SP100: variants seen among roughly 807,000 people sequenced by gnomAD.
SP100 encodes the protein SP100 nuclear body protein.
SP100 carries 84 observed loss-of-function variants against 130.0 expected under a neutral mutation model. The observed-to-expected ratio is 0.65, with a 90% CI of 0.54 to 0.77. The LOEUF is 0.77. SP100 is among the 30% of genes least tolerant of loss of function. The pLI, the probability that SP100 is intolerant of heterozygous loss-of-function variation, is 0.00. For synonymous variants in SP100, 331 were observed against 351.7 expected (o/e 0.94, Z 0.66); for missense variants, 978 against 1,052.2 (o/e 0.93, Z 0.97).
At chr2:230,467,288 A>G in intron 13 of SP100, 73 bp downstream of exon 13, 1 of 1,061,336 alleles carries the variant, frequency 9.4e-7, no homozygotes, top group Middle Eastern at 2.1e-4. Flanking sequence ...TGCTCTGAGC[A>G]CACACAACAG....
At chr2:230,464,247 T>C in intron 11 of SP100, 97 bp downstream of exon 11, 1 of 745,102 alleles carries the variant, frequency 1.3e-6, no homozygotes. Flanking sequence ...AGTGGTCTCC[T>C]TATGCCTTGA....
At chr2:230,500,640 T>G (rs893785011) in intron 19 of SP100, among the ~76,000 whole-genome samples, 4 of 152,136 alleles carry the variant, frequency 2.6e-5, no homozygotes, top group African/African-American at 7.2e-5. Context: ...TGTCTTTTGA[T>G]GGAACTGTGG....
intron 19 of SP100, among the ~76,000 whole-genome samples, chr2:230,500,832 C>G (rs969385895): frequency 6.6e-6 from 1 of 152,172 alleles, no homozygotes; most frequent in Non-Finnish European, 1.5e-5. Flanking sequence ...CAATCATGGT[C>G]TTTGAAACTG....
At chr2:230,533,001 G>C (rs917223322) in intron 24 of SP100, among the ~76,000 whole-genome samples, 1 of 151,996 alleles carries the variant, frequency 6.6e-6, no homozygotes, top group African/African-American at 2.4e-5. Flanking sequence ...GGCTGGTGTC[G>C]AACGCCTAAC....
chr2:230,511,498 T>C (rs1690583721), intron 24 of SP100, among the ~76,000 whole-genome samples: 1 of 152,070 alleles, frequency 6.6e-6, no homozygotes, highest in South Asian at 2.1e-4. Context: ...AAGGATCAAA[T>C]GTCAGAAAAT....
intron 21 of SP100, among the ~76,000 whole-genome samples, chr2:230,504,732 G>A (rs1231029315): frequency 6.6e-6 from 1 of 152,178 alleles, no homozygotes; most frequent in Non-Finnish European, 1.5e-5. Context: ...GAAAGCGGGT[G>A]TTCAGCATAA....
chr2:230,542,509 A>C (rs1215194986), intron 28 of SP100, among the ~76,000 whole-genome samples: 1 of 152,226 alleles, frequency 6.6e-6, no homozygotes, highest in East Asian at 1.9e-4. Context: ...GAAAAGGAAG[A>C]CATTATTAAA....
intron 17 of SP100, among the ~76,000 whole-genome samples, chr2:230,487,556 G>A (rs577712965): frequency 1.3e-5 from 2 of 152,300 alleles, no homozygotes; most frequent in East Asian, 1.9e-4. Context: ...CCAGTACCAT[G>A]GGGGTGTTTT....
At chr2:230,533,222 AC>A (rs1691787148) in intron 24 of SP100, among the ~76,000 whole-genome samples, 1 of 152,198 alleles carries the variant, frequency 6.6e-6, no homozygotes, top group Non-Finnish European at 1.5e-5. Flanking sequence ...ATTTACATTT[AC>A]CATTTTTTAA....
At chr2:230,528,734 G>A (rs1691553735) in intron 24 of SP100, among the ~76,000 whole-genome samples, 1 of 152,168 alleles carries the variant, frequency 6.6e-6, no homozygotes, top group Non-Finnish European at 1.5e-5. Context: ...AATAAAAAAT[G>A]ATACAGGGGA....
intron 24 of SP100, among the ~76,000 whole-genome samples, chr2:230,524,574 C>T (rs1348711013): frequency 6.6e-6 from 1 of 151,866 alleles, no homozygotes; most frequent in South Asian, 2.1e-4. Context: ...AAATGGTTAA[C>T]AAGGAAATGA....
At chr2:230,469,008 A>G (rs2065125597) in intron 13 of SP100, 35 bp from the exon 14 acceptor site, 1 of 1,295,566 alleles carries the variant, frequency 7.7e-7, no homozygotes, top group Non-Finnish European at 1.1e-6. Context: ...TCTTTTAGTT[A>G]GATATTATTG....
At chr2:230,496,488 G>T (rs1484332232) in intron 18 of SP100, among the ~76,000 whole-genome samples, 1 of 152,196 alleles carries the variant, frequency 6.6e-6, no homozygotes, top group Non-Finnish European at 1.5e-5. Flanking sequence ...GGAGAAGGAA[G>T]TGGACAGGAG....
chr2:230,506,724 T>A (rs1422621253), intron 22 of SP100: 3 of 287,378 alleles, frequency 1.0e-5, no homozygotes, highest in Middle Eastern at 1.0e-3. Context: ...TTTGGTCACA[T>A]GAAAGTAACT....
intron 24 of SP100, among the ~76,000 whole-genome samples, chr2:230,513,140 T>C (rs927583476): frequency 6.6e-6 from 1 of 152,124 alleles, no homozygotes; most frequent in Admixed American, 6.5e-5. Context: ...ATCCCGGAAG[T>C]TGGAAACCCC....
chr2:230,460,665 G>A (rs1193300129), intron 8 of SP100, among the ~76,000 whole-genome samples: 7 of 17,822 alleles, frequency 3.9e-4, no homozygotes, highest in East Asian at 1.6e-3. Flanking sequence ...CGCCCAGGCC[G>A]GACTGCGGAC....
chr2:230,462,173 G>A (rs1369187544), intron 9 of SP100, among the ~76,000 whole-genome samples: 1 of 151,932 alleles, frequency 6.6e-6, no homozygotes, highest in African/African-American at 2.4e-5. Flanking sequence ...TAAAATGAGA[G>A]TGAAAGAAAA....
At chr2:230,452,889 G>C (rs1197794473) in intron 8 of SP100, among the ~76,000 whole-genome samples, 2 of 144,804 alleles carry the variant, frequency 1.4e-5, no homozygotes, top group African/African-American at 5.1e-5. Context: ...CTGCAAATAA[G>C]GACAATTTAA....
intron 14 of SP100, 102 bp downstream of exon 14, chr2:230,469,198 G>T (rs1178795123): frequency 3.9e-6 from 3 of 764,492 alleles, no homozygotes; most frequent in South Asian, 1.8e-5. Context: ...AAATTAATTT[G>T]TTGGGATTTT....
Sources: gnomAD v4.1 joint callset for allele counts (sites outside exome capture counted in the v4.1 genomes callset) on GRCh38, gnomAD v4.1.1 for gene constraint, MANE v1.5 for transcripts, NCBI Gene and HGNC (gene_info 2026-07-23, HGNC 2026-07-21) for gene names.